The following APPBP2 variants were observed in gnomAD, a reference collection of about 807,000 sequenced individuals.
The protein encoded by APPBP2 is amyloid beta precursor protein binding protein 2.
In APPBP2, 15 loss-of-function variants were observed where a neutral mutation model predicts 76.0. That is an observed-to-expected ratio of 0.20 (90% CI 0.13 to 0.30). The LOEUF is 0.30. Among genes scored for constraint, APPBP2 ranks in the 10% least tolerant of loss-of-function variants. APPBP2 has a pLI of 1.00. For missense variants in APPBP2, 401 were observed against 687.2 expected (o/e 0.58, Z 4.66); for synonymous variants, 222 against 242.2 (o/e 0.92, Z 0.77).
intron 1 of APPBP2, among the ~76,000 whole-genome samples, chr17:60,520,222 T>C (rs745646737): frequency 6.6e-6 from 1 of 152,162 alleles, no homozygotes; most frequent in Non-Finnish European, 1.5e-5. Flanking sequence ...GTTTTCAGCA[T>C]GGTATTTATT....
chr17:60,494,565 C>T lies in APPBP2; in HGVS notation c.280G>A (p.Ala94Thr). 6.2e-7 allele frequency: 1 copy of T among 1,611,288 alleles called. No homozygotes were observed. The highest frequency in any genetic ancestry group is 1.3e-5 in the African/African-American group (1 of 74,870). The change falls in exon 3 of 13, where the codon GCT (alanine) becomes ACT (threonine). Residue 94 changes from alanine (A) to threonine (T), a missense_variant. Ala to Thr is a moderately conservative substitution (Grantham distance 58). This residue lies in a region of APPBP2 where 149 missense variants were observed against 198.4 expected (regional missense o/e 0.75). Coordinates refer to ENST00000083182, the MANE Select transcript of APPBP2 (RefSeq NM_006380.5). ...QALMDHGVKV[A>T]SVLAYSFSRR... ...CTGAATGAGTAGGCCAAGACTGAAG[C>T]AACTTTAACACCATGATCCATCAAA...
chr17:60,466,541 G>T, intron 4 of APPBP2, 82 bp from the exon 5 acceptor site: 1 of 1,305,962 alleles, frequency 7.7e-7, no homozygotes, highest in South Asian at 1.4e-5. Flanking sequence ...TCACCTGAAT[G>T]ACTTAAGGTA....
chr17:60,504,210 T>C (rs982843354), intron 1 of APPBP2, among the ~76,000 whole-genome samples: 1 of 152,162 alleles, frequency 6.6e-6, no homozygotes, highest in Non-Finnish European at 1.5e-5. Context: ...CTTTCAGCTG[T>C]TCCTACCTTA....
chr17:60,514,672 C>T (rs6503977), intron 1 of APPBP2, among the ~76,000 whole-genome samples: 52,081 of 152,158 alleles, frequency 0.34, 15,751 homozygotes, highest in African/African-American at 0.82. Context: ...TATCCTCTAA[C>T]AGGATTTTCC....
In APPBP2 at chr17:60,464,110, C is replaced by T. The variant is rs1280938572; in HGVS notation, c.673G>A (p.Ala225Thr). The T allele has an allele frequency of 1.2e-6, 2 of 1,603,912 alleles. No homozygotes were observed. The highest frequency in any genetic ancestry group is 1.7e-6 in the Non-Finnish European group (2 of 1,176,180). Residue 225 changes from alanine to threonine, a missense_variant and splice_region_variant, in exon 6 of 13, where the codon GCA (alanine) becomes ACA (threonine). Ala to Thr is a moderately conservative substitution (Grantham distance 58, BLOSUM62 0). This residue lies in a region of APPBP2 where 64 missense variants were observed against 72.9 expected (regional missense o/e 0.88). Coordinates refer to ENST00000083182, the MANE Select transcript of APPBP2 (RefSeq NM_006380.5). ...ATTGCCTCGATGCACCATTTGTATG[C>T]CTAAAAAAATTATTTATAGAAGAGA... ...LLFAKSHYDE[A>T]YKWCIEAMKE...
chr17:60,508,619 G>C (rs2090888193), intron 1 of APPBP2, among the ~76,000 whole-genome samples: 1 of 152,100 alleles, frequency 6.6e-6, no homozygotes, highest in African/African-American at 2.4e-5. Context: ...TTAACTACCT[G>C]CCTAAAGAAG....
intron 3 of APPBP2, among the ~76,000 whole-genome samples, chr17:60,485,723 A>C (rs2090670772): frequency 6.6e-6 from 1 of 151,734 alleles, no homozygotes. Flanking sequence ...GATCTTAGTT[A>C]TTTCTTGCCT....
At chr17:60,507,227 T>C (rs2090875590) in intron 1 of APPBP2, among the ~76,000 whole-genome samples, 1 of 103,068 alleles carries the variant, frequency 9.7e-6, no homozygotes, top group Admixed American at 8.4e-5. Context: ...TTCTTTTTTC[T>C]TTTTTTTTTT....
intron 1 of APPBP2, among the ~76,000 whole-genome samples, chr17:60,510,155 C>T (rs1375416237): frequency 3.3e-5 from 5 of 152,098 alleles, no homozygotes; most frequent in Non-Finnish European, 5.9e-5. Context: ...GTAATCCCAG[C>T]AATTTGGCAA....
At chr17:60,452,867 G>T (rs550309147) in intron 11 of APPBP2, among the ~76,000 whole-genome samples, 1 of 152,324 alleles carries the variant, frequency 6.6e-6, no homozygotes, top group Non-Finnish European at 1.5e-5. Flanking sequence ...CAGGGAGGTT[G>T]AGGCTGTAGT....
rs559398647 is a variant in APPBP2, at chr17:60,479,781, C to G, written c.380-510G>C. ...TCAGCATATTATCTTTTTGAGGATT[C>G]TGCCTCCTAAATATGACTAACATTT... is the stretch of plus-strand genomic sequence containing the variant. On this transcript the variant is annotated intron_variant, in intron 3 of 12. Coordinates refer to ENST00000083182, the MANE Select transcript of APPBP2 (RefSeq NM_006380.5). Among the ~76,000 whole-genome samples the G allele has an allele frequency of 6.6e-5, 10 of 152,280 alleles. No individual in the cohort carries two copies. The East Asian group carries it at 1.9e-3, about 29-fold the overall frequency.
At chr17:60,488,781 A>G (rs1465506882) in intron 3 of APPBP2, among the ~76,000 whole-genome samples, 4 of 152,200 alleles carry the variant, frequency 2.6e-5, no homozygotes, top group Non-Finnish European at 4.4e-5. Flanking sequence ...ATCTTCTTTC[A>G]TACTAAATTT....
At position 60,505,676 on chromosome 17, in the gene APPBP2, G is replaced by GTTT. The variant is rs1170935393; in HGVS notation, c.139-5192_139-5190dup. 8.5e-3 allele frequency among the ~76,000 whole-genome samples: 727 copies of GTTT among 85,696 alleles called. 85 individuals carry two copies. Among genetic ancestry groups the GTTT allele is most frequent in the Non-Finnish European group, 0.011 (552 of 48,526 alleles). The allele number at this position is 85,696 out of a possible 152,430, so 56.2% of individuals were successfully genotyped here. On this transcript the variant is annotated intron_variant, in intron 1 of 12. Transcript: ENST00000083182. The stretch of plus-strand genomic sequence containing the variant: ...TCCTAAAAGCCACCTGACCCCTGCG[G>GTTT]TTTTTTTTTTTTTTTTTTTTTTTTT...
Position 60,447,732 on chromosome 17 carries a change from T to C in APPBP2, c.1607A>G (p.Tyr536Cys). Residue 536 changes from tyrosine (Y) to cysteine (C), a missense_variant, in exon 13 of 13, where the codon TAT becomes TGT. This residue lies in a region of APPBP2 where 56 missense variants were observed against 76.5 expected (regional missense o/e 0.73). Transcript: ENST00000083182. Reference sequence around the variant, plus strand: ...GTTCCAGTTAGACAGAACATTGTGATATTCAAACACTTTCTCGTAATTTCC... The same window carrying C: ...GTTCCAGTTAGACAGAACATTGTGACATTCAAACACTTTCTCGTAATTTCC... ...SIGNYEKVFE[Y>C]HNVLSNWNRL... The C allele has an allele frequency of 6.2e-7, 1 of 1,614,124 alleles. No homozygotes were observed. Among genetic ancestry groups the C allele is most frequent in the Non-Finnish European group, 8.5e-7 (1 of 1,180,036 alleles).
chr17:60,517,598 T>C (rs1178910062), intron 1 of APPBP2, among the ~76,000 whole-genome samples: 1 of 152,234 alleles, frequency 6.6e-6, no homozygotes, highest in Non-Finnish European at 1.5e-5. Context: ...TCTTCCCTGA[T>C]ACAGAAATTA....
At chr17:60,473,690 T>C (rs2090569376) in intron 4 of APPBP2, among the ~76,000 whole-genome samples, 1 of 152,188 alleles carries the variant, frequency 6.6e-6, no homozygotes, top group South Asian at 2.1e-4. Flanking sequence ...CATTTAAATC[T>C]TTCCTTATAC....
rs1278245657 is a variant in APPBP2, at chr17:60,444,138, A to AC, written c.*3442_*3443insG. 6.6e-6 allele frequency: 1 copy of AC among 152,510 alleles called. No individual in the cohort carries two copies. The highest frequency in any genetic ancestry group is 2.4e-5 in the African/African-American group (1 of 41,210). 9.4% of individuals were successfully genotyped at this position (152,510 alleles called of 1,614,324 possible). A position where few individuals can be genotyped will look rare whatever the true frequency, so the allele number is the denominator to read the frequency against. On this transcript the variant is annotated 3_prime_UTR_variant, in exon 13 of 13. Coordinates refer to ENST00000083182, the MANE Select transcript of APPBP2 (RefSeq NM_006380.5). ...GAGCGAAACTCCGTCTGAAAAAAAA[A>AC]AAAAAAATTTCCTGGCAACTAAGTT... is the stretch of plus-strand genomic sequence containing the variant.
intron 12 of APPBP2, among the ~76,000 whole-genome samples, chr17:60,451,052 A>C (rs1020804569): frequency 9.9e-5 from 15 of 152,212 alleles, no homozygotes; most frequent in Non-Finnish European, 1.5e-4. Context: ...ATGGAAATCC[A>C]AATGTTCCAA....
intron 2 of APPBP2, among the ~76,000 whole-genome samples, chr17:60,497,311 T>C (rs2090784045): frequency 6.6e-6 from 1 of 152,022 alleles, no homozygotes; most frequent in Admixed American, 6.5e-5. Context: ...ATTGCATTCA[T>C]GGATATAGAG....
Sources: allele counts gnomAD v4.1 joint callset (sites outside exome capture counted in the v4.1 genomes callset), GRCh38; gene constraint gnomAD v4.1.1; regional missense constraint gnomAD v4.1.1; transcripts MANE v1.5; gene names NCBI Gene and HGNC (gene_info 2026-07-23, HGNC 2026-07-21).